The following ADAMTS20 variants were observed in gnomAD, a reference collection of about 807,000 sequenced individuals.
ADAMTS20 encodes the protein A disintegrin and metalloproteinase with thrombospondin motifs 20.
A neutral mutation model predicts 260.1 loss-of-function variants in ADAMTS20; 225 were observed. The observed-to-expected ratio is 0.87, with a 90% CI of 0.78 to 0.97. ADAMTS20 has a LOEUF of 0.97. Among genes scored for constraint, ADAMTS20 ranks in the 50% least tolerant of loss-of-function variants. The probability of loss-of-function intolerance (pLI) is 0.00; values close to 1 mark genes in which losing one functional copy is unlikely to be tolerated. For missense variants in ADAMTS20, 2,400 were observed against 2,337.7 expected, an observed-to-expected ratio of 1.03 and a Z score of -0.55; for synonymous variants, 802 against 769.5, an observed-to-expected ratio of 1.04 and a Z score of -0.70.
chr12:43,354,363 G>A (rs1939700127), intron 38 of ADAMTS20, 65 bp from the exon 39 acceptor site: 35 of 1,210,004 alleles, frequency 2.9e-5, no homozygotes, highest in Middle Eastern at 3.7e-4. Context: ...GCAAATAGCA[G>A]AAAAAGCAAA....
chr12:43,501,335 C>A (rs1344971039), intron 4 of ADAMTS20, among the ~76,000 whole-genome samples: 2 of 152,046 alleles, frequency 1.3e-5, no homozygotes, highest in African/African-American at 4.8e-5. Flanking sequence ...GCTGGGATTA[C>A]AAGTGTGAGC....
chr12:43,425,820 T>C (rs1297980959), intron 27 of ADAMTS20, 130 bp from the exon 28 acceptor site: 1 of 575,372 alleles, frequency 1.7e-6, no homozygotes, highest in Non-Finnish European at 2.7e-6. Flanking sequence ...TTTACTCTAG[T>C]AATGTTACTC....
At chr12:43,472,053 A>G (rs1398875632) in intron 7 of ADAMTS20, among the ~76,000 whole-genome samples, 4 of 152,090 alleles carry the variant, frequency 2.6e-5, no homozygotes, top group African/African-American at 7.2e-5. Context: ...ACGGGAGGAC[A>G]TTCAAACCAA....
intron 29 of ADAMTS20, among the ~76,000 whole-genome samples, chr12:43,386,626 CA>C (rs895952574): frequency 2.0e-5 from 3 of 150,732 alleles, no homozygotes; most frequent in African/African-American, 7.5e-5. Context: ...GTACACCAAT[CA>C]AACATAGGTT....
At chr12:43,547,789 A>T (rs1301394866) in intron 2 of ADAMTS20, among the ~76,000 whole-genome samples, 1 of 152,204 alleles carries the variant, frequency 6.6e-6, no homozygotes, top group African/African-American at 2.4e-5. Context: ...GATATACAGC[A>T]CTAGTGAGAG....
intron 28 of ADAMTS20, among the ~76,000 whole-genome samples, chr12:43,418,018 G>A (rs189580362): frequency 2.0e-5 from 3 of 152,228 alleles, no homozygotes; most frequent in Admixed American, 6.5e-5. Context: ...TGCTGCTGGT[G>A]GTTGGTTTAT....
At chr12:43,381,749 C>A (rs1458466692) in intron 31 of ADAMTS20, among the ~76,000 whole-genome samples, 4 of 138,186 alleles carry the variant, frequency 2.9e-5, no homozygotes, top group Admixed American at 1.5e-4. Context: ...CCACCGCACT[C>A]CAGCTTGGGC....
intron 7 of ADAMTS20, among the ~76,000 whole-genome samples, chr12:43,482,226 C>G (rs1476498494): frequency 6.6e-6 from 1 of 152,174 alleles, no homozygotes; most frequent in African/African-American, 2.4e-5. Context: ...ATGAGGTTTG[C>G]AATATAATCT....
intron 28 of ADAMTS20, among the ~76,000 whole-genome samples, chr12:43,404,717 T>A (rs751690541): frequency 5.3e-5 from 8 of 152,160 alleles, no homozygotes; most frequent in Non-Finnish European, 1.0e-4. Flanking sequence ...TAATATTTAA[T>A]ACACTAAAAA....
At position 43,440,170 on chromosome 12, in the gene ADAMTS20, G is replaced by A. The variant is rs946305554; in HGVS notation, c.2291-101C>T. On this transcript the variant is annotated intron_variant, in intron 16 of 38. Coordinates refer to ENST00000389420, the MANE Select transcript of ADAMTS20 (RefSeq NM_025003.5). ...TTTTTTTTTTTTTTTTTGAGACGGA[G>A]TCTTGCTGTATCTCCCAGGCTGGAG... is the stretch of plus-strand genomic sequence containing the variant. 7.7e-6 allele frequency: 6 copies of A among 779,692 alleles called. No homozygotes were observed. In the Admixed American group the frequency reaches 9.7e-5, roughly 13 times the overall value. 48.3% of individuals were successfully genotyped at this position (779,692 alleles called of 1,614,324 possible).
chr12:43,548,089 A>G (rs1017702284), intron 2 of ADAMTS20, among the ~76,000 whole-genome samples: 2 of 152,224 alleles, frequency 1.3e-5, no homozygotes, highest in Admixed American at 6.5e-5. Flanking sequence ...ACTCATTAGC[A>G]GAAAAAGAAA....
intron 4 of ADAMTS20, among the ~76,000 whole-genome samples, chr12:43,493,626 C>T (rs979530552): frequency 6.6e-6 from 1 of 152,142 alleles, no homozygotes; most frequent in African/African-American, 2.4e-5. Context: ...GTGATCTGAA[C>T]ACATGTTAGA....
chr12:43,356,439 G>T, intron 38 of ADAMTS20, 45 bp downstream of exon 38: 1 of 1,290,094 alleles, frequency 7.8e-7, no homozygotes, highest in Non-Finnish European at 1.1e-6. Context: ...CTAGTTCATA[G>T]CTCAGAAGTA....
At chr12:43,548,196 G>A (rs1284163326) in intron 2 of ADAMTS20, among the ~76,000 whole-genome samples, 1 of 152,066 alleles carries the variant, frequency 6.6e-6, no homozygotes, top group Non-Finnish European at 1.5e-5. Context: ...AAAGCAAAAA[G>A]CGACTAGAAA....
chr12:43,417,693 G>C (rs1217228545), intron 28 of ADAMTS20, among the ~76,000 whole-genome samples: 1 of 152,180 alleles, frequency 6.6e-6, no homozygotes. Context: ...GAGGTGGCAA[G>C]GGTGATTCAC....
chr12:43,479,255 TTA>T (rs1942406233), intron 7 of ADAMTS20, among the ~76,000 whole-genome samples: 1 of 152,166 alleles, frequency 6.6e-6, no homozygotes, highest in African/African-American at 2.4e-5. Flanking sequence ...AATTGTAAAA[TTA>T]TATGAAGAAA....
chr12:43,406,872 A>G (rs1186286928), intron 28 of ADAMTS20, among the ~76,000 whole-genome samples: 1 of 152,038 alleles, frequency 6.6e-6, no homozygotes, highest in Admixed American at 6.5e-5. Flanking sequence ...TTCTGCTTAA[A>G]ACAAAAAAAA....
chr12:43,358,099 G>A (rs1939782814), intron 37 of ADAMTS20, among the ~76,000 whole-genome samples: 1 of 152,180 alleles, frequency 6.6e-6, no homozygotes, highest in African/African-American at 2.4e-5. Context: ...GTAACCAGAT[G>A]CTCCTTGAGT....
At chr12:43,373,278 T>A (rs1940144865) in intron 36 of ADAMTS20, among the ~76,000 whole-genome samples, 1 of 152,226 alleles carries the variant, frequency 6.6e-6, no homozygotes. Flanking sequence ...GGCAGCTTTG[T>A]TAAAAAGCAG....
Sources: gnomAD v4.1 joint callset for allele counts (sites outside exome capture counted in the v4.1 genomes callset) on GRCh38, gnomAD v4.1.1 for gene constraint, MANE v1.5 for transcripts, NCBI Gene and HGNC (gene_info 2026-07-23, HGNC 2026-07-21) for gene names.